The following TLN2 variants were observed in gnomAD, a reference collection of about 807,000 sequenced individuals.
TLN2 encodes talin 2, also known as talin-2.
In TLN2, 118 loss-of-function variants were observed where a neutral mutation model predicts 294.7. The observed-to-expected ratio is 0.40, with a 90% CI of 0.34 to 0.47. TLN2 has a LOEUF of 0.47. Ranked by LOEUF, TLN2 falls within the 20% of genes least tolerant of loss-of-function variation. The pLI is 0.84. For missense variants in TLN2, 3,083 were observed against 3,282.2 expected, an observed-to-expected ratio of 0.94 and a Z score of 1.48; for synonymous variants, 1,431 against 1,304.5, an observed-to-expected ratio of 1.10 and a Z score of -2.09.
chr15:62,793,787 C>T (rs1444033015), intron 46 of TLN2, among the ~76,000 whole-genome samples: 1 of 150,450 alleles, frequency 6.6e-6, no homozygotes, highest in African/African-American at 2.4e-5. Context: ...TTCCCCTTCC[C>T]TTAACTCTGG....
chr15:62,824,925 G>A (rs2067906517), intron 54 of TLN2, among the ~76,000 whole-genome samples: 1 of 152,214 alleles, frequency 6.6e-6, no homozygotes, highest in Non-Finnish European at 1.5e-5. Context: ...GAGAAAAGGT[G>A]TAAGCAAATG....
chr15:62,532,278 G>C (rs1300896757), intron 1 of TLN2, among the ~76,000 whole-genome samples: 1 of 151,776 alleles, frequency 6.6e-6, no homozygotes, highest in African/African-American at 2.4e-5. Flanking sequence ...TGTTTTTTTA[G>C]TAGAGACAAT....
Position 62,692,477 on chromosome 15 carries a change from C to T in TLN2, c.1114-363C>T, listed in dbSNP as rs189344868. Reference sequence around the variant, plus strand: ...CCCAAATTAGTCTCTCTTGGGCTCCCCTTCTCCTAGTTCTTTGACTAAAAG... The same window carrying T: ...CCCAAATTAGTCTCTCTTGGGCTCCTCTTCTCCTAGTTCTTTGACTAAAAG... On this transcript the variant is annotated intron_variant, in intron 12 of 58. Transcript: ENST00000636159. 2.5e-3 allele frequency among the ~76,000 whole-genome samples: 379 copies of T among 152,254 alleles called. 3 individuals are homozygous for T. Among genetic ancestry groups the T allele is most frequent in the Non-Finnish European group, 1.1e-3 (75 of 68,028 alleles).
At chr15:62,664,982 G>C (rs1044221910) in intron 9 of TLN2, among the ~76,000 whole-genome samples, 1 of 131,954 alleles carries the variant, frequency 7.6e-6, no homozygotes, top group Non-Finnish European at 1.6e-5. Flanking sequence ...ATGACAACAT[G>C]TCAATATGTA....
chr15:62,655,470 G>C (rs115882542), intron 7 of TLN2, among the ~76,000 whole-genome samples: 54 of 152,150 alleles, frequency 3.5e-4, no homozygotes, highest in African/African-American at 1.3e-3. Context: ...TTTTCTACTT[G>C]AGATCAGAGG....
intron 1 of TLN2, among the ~76,000 whole-genome samples, chr15:62,579,477 G>A (rs530639187): frequency 5.9e-5 from 9 of 152,252 alleles, no homozygotes; most frequent in Admixed American, 4.6e-4. Flanking sequence ...AAATGACCTC[G>A]TGTTCTTGTT....
At chr15:62,411,429 A>ATGTGTGTGTG (rs71125998) in intron 1 of TLN2, among the ~76,000 whole-genome samples, 4,024 of 136,620 alleles carry the variant, frequency 0.029, 86 homozygotes, top group Middle Eastern at 0.073. Context: ...TGAGTAATGG[A>ATGTGTGTGTG]TGTGTGTGTG....
chr15:62,464,600 T>C (rs1393721375), intron 1 of TLN2, among the ~76,000 whole-genome samples: 3 of 151,970 alleles, frequency 2.0e-5, no homozygotes, highest in African/African-American at 7.3e-5. Flanking sequence ...ATCTGACACC[T>C]GACTTGTGAG....
chr15:62,527,291 C>T (rs2040795345), intron 1 of TLN2, among the ~76,000 whole-genome samples: 3 of 152,096 alleles, frequency 2.0e-5, no homozygotes, highest in Admixed American at 2.0e-4. Flanking sequence ...TGCTGGGTTC[C>T]CTTGTGGGTT....
chr15:62,740,575 C>T (rs2061271376), intron 31 of TLN2, 55 bp from the exon 32 acceptor site: 7 of 1,606,568 alleles, frequency 4.4e-6, no homozygotes, highest in Non-Finnish European at 5.1e-6. Context: ...TCTCTGAATG[C>T]CTCCTTCAAG....
At chr15:62,755,910 G>A (rs1469420006) in intron 37 of TLN2, among the ~76,000 whole-genome samples, 1 of 152,216 alleles carries the variant, frequency 6.6e-6, no homozygotes. Context: ...TTTAGATGGT[G>A]GGGAAGGAGG....
intron 31 of TLN2, 148 bp from the exon 32 acceptor site, chr15:62,740,482 A>G (rs2061265357): frequency 2.1e-6 from 2 of 950,934 alleles, no homozygotes; most frequent in African/African-American, 1.6e-5. Context: ...CAGTGTCTCA[A>G]CGAGTTAGGC....
intron 44 of TLN2, among the ~76,000 whole-genome samples, chr15:62,782,380 C>T (rs1318425080): frequency 6.6e-6 from 1 of 152,218 alleles, no homozygotes; most frequent in Non-Finnish European, 1.5e-5. Context: ...GGATCCTAGT[C>T]CGAGCCAGCA....
At chr15:62,638,601 A>G (rs758516622) in intron 3 of TLN2, 17 of 455,848 alleles carry the variant, frequency 3.7e-5, no homozygotes, top group South Asian at 2.5e-4. Context: ...CTTGACTTCA[A>G]GGTTTTAGTT....
At chr15:62,591,765 T>A (rs976467025) in intron 2 of TLN2, among the ~76,000 whole-genome samples, 2 of 151,912 alleles carry the variant, frequency 1.3e-5, no homozygotes, top group African/African-American at 4.8e-5. Context: ...TGTGAGGAGC[T>A]CCAGGCTGGG....
Position 62,725,019 on chromosome 15 carries a change from A to C in TLN2, c.3170A>C (p.Asn1057Thr). The stretch of plus-strand genomic sequence containing the variant: ...CCGATGGAAATCGATTCAGCTCTGA[A>C]TACGGTGCAGACGCTTAAGAATGAA... ...CGPMEIDSAL[N>T]TVQTLKNELQ... Residue 1057 changes from asparagine (N) to threonine (T), a missense_variant, in exon 27 of 59, where the codon AAT becomes ACT. Transcript: ENST00000636159. 1 of 1,613,664 alleles carries C rather than the reference A, an allele frequency of 6.2e-7. No individual in the cohort carries two copies. Among genetic ancestry groups the C allele is most frequent in the Non-Finnish European group, 8.5e-7 (1 of 1,179,856 alleles).
chr15:62,667,027 A>G lies in TLN2; in HGVS notation c.789-6800A>G, dbSNP rs199785830. 3.8e-4 allele frequency among the ~76,000 whole-genome samples: 58 copies of G among 152,148 alleles called. No homozygotes were observed. The East Asian group carries it at 7.6e-3, about 20-fold the overall frequency. ...GTCGCCCAGGCTGGAGTGCAGTGGC[A>G]TGATCTCGGCTCACTGCAAGCTCCG... is the stretch of plus-strand genomic sequence containing the variant. On this transcript the variant is annotated intron_variant, in intron 9 of 58. Transcript: ENST00000636159.
chr15:62,480,159 G>A (rs1595898485), intron 1 of TLN2, among the ~76,000 whole-genome samples: 2 of 152,286 alleles, frequency 1.3e-5, no homozygotes, highest in African/African-American at 2.4e-5. Context: ...TTGGATGAGT[G>A]TCTTAAGAAG....
chr15:62,735,080 G>A (rs1258797786), intron 28 of TLN2, among the ~76,000 whole-genome samples: 1 of 152,192 alleles, frequency 6.6e-6, no homozygotes, highest in East Asian at 1.9e-4. Flanking sequence ...GTTCTCTACT[G>A]CAAAGAGCAC....
Sources: gnomAD v4.1 joint callset for allele counts (sites outside exome capture counted in the v4.1 genomes callset) on GRCh38, gnomAD v4.1.1 for gene constraint, MANE v1.5 for transcripts, NCBI Gene and HGNC (gene_info 2026-07-23, HGNC 2026-07-21) for gene names.